ZBTB2: variants seen among roughly 807,000 people sequenced by gnomAD.
The protein encoded by ZBTB2 is zinc finger and BTB domain-containing protein 2.
In ZBTB2, 2 loss-of-function variants were observed where a neutral mutation model predicts 39.5. That is an observed-to-expected ratio of 0.05 (90% CI 0.02 to 0.16). The LOEUF is 0.16. ZBTB2 is among the 10% of genes least tolerant of loss of function. The pLI is 1.00. For synonymous variants in ZBTB2, 251 were observed against 256.6 expected, an observed-to-expected ratio of 0.98 and a Z score of 0.21; for missense variants, 391 against 653.0, an observed-to-expected ratio of 0.60 and a Z score of 4.37.
intron 2 of ZBTB2, among the ~76,000 whole-genome samples, chr6:151,373,058 A>G (rs13200290): frequency 1.1e-4 from 16 of 146,876 alleles, no homozygotes; most frequent in East Asian, 1.0e-3. Flanking sequence ...GGGAGGCTGA[A>G]GCAGGAGAAT....
At position 151,369,056 on chromosome 6, in the gene ZBTB2, C is replaced by T. The variant is rs189183236; in HGVS notation, c.174-2164G>A. ...AGGATTACAGGCATGAACCACCGCGCCTGGCTGACTTTGGTGTAAATTTTG... is the reference window on the plus strand; with the variant it reads ...AGGATTACAGGCATGAACCACCGCGTCTGGCTGACTTTGGTGTAAATTTTG... On this transcript the variant is annotated intron_variant, in intron 2 of 2. Coordinates refer to ENST00000325144, the MANE Select transcript of ZBTB2 (RefSeq NM_020861.3). 1.2e-3 allele frequency among the ~76,000 whole-genome samples: 187 copies of T among 152,336 alleles called. 1 individual carries two copies. In the Middle Eastern group the frequency reaches 0.024, roughly 19 times the overall value.
chr6:151,390,705 C>G (rs988617357), intron 1 of ZBTB2, among the ~76,000 whole-genome samples: 1 of 151,854 alleles, frequency 6.6e-6, no homozygotes, highest in Non-Finnish European at 1.5e-5. Context: ...GCCGCTGCAG[C>G]TGGGAGAAGC....
intron 1 of ZBTB2, among the ~76,000 whole-genome samples, chr6:151,382,646 C>A (rs928440550): frequency 1.3e-5 from 2 of 151,966 alleles, no homozygotes; most frequent in Non-Finnish European, 2.9e-5. Context: ...TCCACCTACC[C>A]GCTTCCCCCA....
Position 151,366,745 on chromosome 6 carries a change from G to A in ZBTB2, c.321C>T (p.Leu107=). ...GGCTGGCGAGGCTGGCTTCCTGAAT[G>A]AGCGGGTAGGCGTGCAGAAACTTGA... The part of the protein sequence containing the change: ...QGIKFLHAYP[L]IQEASLASQG... Residue 107 remains leucine, a synonymous_variant, in exon 3 of 3, where the codon CTC becomes CTT. Coordinates refer to ENST00000325144, the MANE Select transcript of ZBTB2 (RefSeq NM_020861.3). The surrounding 1 kb of genome is among the most constrained non-coding windows in gnomAD (Gnocchi z 7.1). 1.9e-6 allele frequency: 3 copies of A among 1,614,156 alleles called. No individual in the cohort carries two copies. The highest frequency in any genetic ancestry group is 1.7e-6 in the Non-Finnish European group (2 of 1,180,016).
chr6:151,380,915 C>A (rs1463394836), intron 1 of ZBTB2, among the ~76,000 whole-genome samples: 1 of 152,176 alleles, frequency 6.6e-6, no homozygotes, highest in Non-Finnish European at 1.5e-5. Flanking sequence ...TGTCCTCTCA[C>A]TGCCATTTAC....
In ZBTB2 at chr6:151,391,476, G is replaced by A. The variant is rs1447634613; in HGVS notation, c.-69C>T. The stretch of plus-strand genomic sequence containing the variant: ...GGAGGAGGCGCCTCTGGGCAGCCTC[G>A]GCCGTGCTGTCCTCCCCGCCGCCGC... On this transcript the variant is annotated 5_prime_UTR_variant, in exon 1 of 3. Coordinates refer to ENST00000325144, the MANE Select transcript of ZBTB2 (RefSeq NM_020861.3). 1 of 152,350 alleles carries A rather than the reference G, an allele frequency of 6.6e-6. No individual in the cohort carries two copies. The highest frequency in any genetic ancestry group is 1.5e-5 in the Non-Finnish European group (1 of 68,036). 9.4% of individuals were successfully genotyped at this position (152,350 alleles called of 1,614,324 possible).
chr6:151,373,699 T>A, intron 1 of ZBTB2, 50 bp from the exon 2 acceptor site: 1 of 1,546,586 alleles, frequency 6.5e-7, no homozygotes, highest in South Asian at 1.2e-5. Context: ...CAAATAAGAA[T>A]GTGTCCTTTA....
At chr6:151,372,339 C>T (rs564588606) in intron 2 of ZBTB2, among the ~76,000 whole-genome samples, 31 of 152,208 alleles carry the variant, frequency 2.0e-4, no homozygotes, top group Admixed American at 1.6e-3. Context: ...GAAACCACAG[C>T]GCGCACTGAT....
intron 1 of ZBTB2, among the ~76,000 whole-genome samples, chr6:151,389,540 C>G (rs909863165): frequency 2.0e-5 from 3 of 152,212 alleles, no homozygotes; most frequent in East Asian, 1.9e-4. Flanking sequence ...AAGGACAGGG[C>G]AGCGCGTTTA....
At chr6:151,384,413 A>G (rs1779107420) in intron 1 of ZBTB2, among the ~76,000 whole-genome samples, 2 of 152,210 alleles carry the variant, frequency 1.3e-5, no homozygotes, top group Non-Finnish European at 2.9e-5. Context: ...AGTGGTCTAG[A>G]GGAGACAACT....
At chr6:151,378,324 C>T (rs1422464727) in intron 1 of ZBTB2, among the ~76,000 whole-genome samples, 1 of 141,660 alleles carries the variant, frequency 7.1e-6, no homozygotes, top group African/African-American at 2.5e-5. Flanking sequence ...GAGAGTCATC[C>T]AATTTTGCAC....
At chr6:151,372,432 C>T (rs1476736935) in intron 2 of ZBTB2, among the ~76,000 whole-genome samples, 1 of 152,072 alleles carries the variant, frequency 6.6e-6, no homozygotes, top group African/African-American at 2.4e-5. Context: ...GAAGGAGAAG[C>T]AGCACCGTAA....
At chr6:151,389,669 T>G (rs769975037) in intron 1 of ZBTB2, among the ~76,000 whole-genome samples, 3 of 152,060 alleles carry the variant, frequency 2.0e-5, no homozygotes, top group Non-Finnish European at 4.4e-5. Context: ...AGTGGACCCA[T>G]TGTATGATGA....
chr6:151,378,336 T>C (rs1162674727), intron 1 of ZBTB2, among the ~76,000 whole-genome samples: 1 of 152,158 alleles, frequency 6.6e-6, no homozygotes, highest in Non-Finnish European at 1.5e-5. Flanking sequence ...ATTTTGCACA[T>C]CATTTGGGTA....
At chr6:151,374,559 A>G (rs1778859616) in intron 1 of ZBTB2, among the ~76,000 whole-genome samples, 1 of 152,096 alleles carries the variant, frequency 6.6e-6, no homozygotes, top group African/African-American at 2.4e-5. Context: ...AGCCCATTAC[A>G]CACAGACCAA....
intron 1 of ZBTB2, among the ~76,000 whole-genome samples, 194 bp from the exon 2 acceptor site, chr6:151,373,843 TAAAA>T (rs200070063): frequency 0.027 from 1,222 of 46,092 alleles, 75 homozygotes; most frequent in African/African-American, 0.063. Context: ...ATTATGCCTT[TAAAA>T]AAAAAAAAAA....
chr6:151,371,376 T>C (rs567107660), intron 2 of ZBTB2, among the ~76,000 whole-genome samples: 1 of 152,314 alleles, frequency 6.6e-6, no homozygotes, highest in Admixed American at 6.5e-5. Context: ...CTTGTACACA[T>C]ATGCACTCTT....
chr6:151,388,848 T>A (rs1779221624), intron 1 of ZBTB2, among the ~76,000 whole-genome samples: 1 of 152,210 alleles, frequency 6.6e-6, no homozygotes. Flanking sequence ...TTGCTCAGCA[T>A]CAACGTATTT....
intron 1 of ZBTB2, among the ~76,000 whole-genome samples, chr6:151,382,823 G>A (rs1389721143): frequency 6.6e-6 from 1 of 152,090 alleles, no homozygotes; most frequent in Non-Finnish European, 1.5e-5. Context: ...CCAAAGTGCT[G>A]GGACTATGGG....
Sources: gnomAD v4.1 joint callset for allele counts (sites outside exome capture counted in the v4.1 genomes callset) on GRCh38, gnomAD v4.1.1 for gene constraint, Gnocchi (gnomAD v3.1) non-coding constraint, MANE v1.5 for transcripts, NCBI Gene and HGNC (gene_info 2026-07-23, HGNC 2026-07-21) for gene names.